The following PCSK5 variants were observed in gnomAD, a reference collection of about 807,000 sequenced individuals.
The protein encoded by PCSK5 is prohormone convertase 5.
A neutral mutation model predicts 233.2 loss-of-function variants in PCSK5; 129 were observed. The ratio of observed to expected loss-of-function variants is 0.55; its 90% CI spans 0.48 to 0.64. The LOEUF (loss-of-function observed/expected upper bound fraction) is 0.64. PCSK5 is among the 30% of genes least tolerant of loss of function. The pLI is 0.00. For synonymous variants in PCSK5, 825 were observed against 879.2 expected (o/e 0.94, Z 1.09); for missense variants, 2,076 against 2,430.1 (o/e 0.85, Z 3.06).
intron 24 of PCSK5, among the ~76,000 whole-genome samples, chr9:76,291,994 C>T (rs1828291826): frequency 6.6e-6 from 1 of 152,140 alleles, no homozygotes; most frequent in South Asian, 2.1e-4. Context: ...CCTATTCCTC[C>T]TTGAAAGTCA....
At chr9:75,913,779 G>A (rs1288080274) in intron 1 of PCSK5, among the ~76,000 whole-genome samples, 2 of 152,070 alleles carry the variant, frequency 1.3e-5, no homozygotes, top group African/African-American at 2.4e-5. Flanking sequence ...ACTGAAATAA[G>A]TTACAGATTT....
At chr9:75,999,625 G>C (rs1238911058) in intron 3 of PCSK5, among the ~76,000 whole-genome samples, 1 of 152,212 alleles carries the variant, frequency 6.6e-6, no homozygotes, top group Non-Finnish European at 1.5e-5. Context: ...GCGGTTTTCC[G>C]CCCTGGGTGG....
rs777863519 is a variant in PCSK5 at position 76,175,276 on chromosome 9, C to CGAATA, written c.1900+151_1900+152insAGAAT. 332 of 545,342 alleles carry CGAATA rather than the reference C, an allele frequency of 6.1e-4. 4 individuals carry two copies. The East Asian group carries it at 8.1e-3, about 13-fold the overall frequency. The allele number at this position is 545,342 out of a possible 1,614,324, so 33.8% of individuals were successfully genotyped here. ...GGAATGGAATGGAATGGAATGGAATCGAATCGAATCGAATCGAATAGAATA... is the reference window on the plus strand; with the variant it reads ...GGAATGGAATGGAATGGAATGGAATCGAATAGAATCGAATCGAATCGAATAGAATA... On this transcript the variant is annotated intron_variant, in intron 14 of 37. Transcript: ENST00000674117.
chr9:76,323,834 G>A (rs1829281654), intron 32 of PCSK5, among the ~76,000 whole-genome samples: 1 of 152,066 alleles, frequency 6.6e-6, no homozygotes, highest in Non-Finnish European at 1.5e-5. Flanking sequence ...CAGAGAGGAG[G>A]AGCCTTCAAA....
At chr9:76,310,052 C>T (rs923666499) in intron 29 of PCSK5, among the ~76,000 whole-genome samples, 1 of 151,678 alleles carries the variant, frequency 6.6e-6, no homozygotes, top group South Asian at 2.1e-4. Flanking sequence ...GTCTGAGTCC[C>T]ACCTGTCCAA....
chr9:76,068,784 T>A (rs905653080), intron 6 of PCSK5, among the ~76,000 whole-genome samples: 5 of 152,202 alleles, frequency 3.3e-5, no homozygotes, highest in African/African-American at 1.2e-4. Context: ...CTATGGATCC[T>A]CATGATTTTA....
intron 3 of PCSK5, among the ~76,000 whole-genome samples, chr9:76,008,082 T>TA (rs1431403966): frequency 6.6e-6 from 1 of 152,022 alleles, no homozygotes; most frequent in African/African-American, 2.4e-5. Context: ...CTTATTTCCC[T>TA]ACTGAGGAGG....
At chr9:76,094,400 G>T (rs948664396) in intron 7 of PCSK5, among the ~76,000 whole-genome samples, 3 of 152,148 alleles carry the variant, frequency 2.0e-5, no homozygotes, top group Non-Finnish European at 4.4e-5. Context: ...GAAAATGATG[G>T]ATTTGGCCTC....
chr9:76,059,043 A>G (rs1024842993), intron 5 of PCSK5, among the ~76,000 whole-genome samples: 9 of 152,228 alleles, frequency 5.9e-5, no homozygotes, highest in African/African-American at 2.2e-4. Context: ...TGAATAATGC[A>G]GTGAATATTA....
chr9:76,291,353 G>T (rs11144820), intron 24 of PCSK5, among the ~76,000 whole-genome samples: 1 of 152,172 alleles, frequency 6.6e-6, no homozygotes, highest in Non-Finnish European at 1.5e-5. Context: ...TTAATTAAAG[G>T]TGACATAAAA....
At chr9:76,221,560 A>G (rs942332436) in intron 20 of PCSK5, among the ~76,000 whole-genome samples, 17 of 152,222 alleles carry the variant, frequency 1.1e-4, no homozygotes, top group African/African-American at 4.1e-4. Flanking sequence ...CACTTGTAAT[A>G]CAGTAGGCAT....
intron 28 of PCSK5, 28 bp downstream of exon 28, chr9:76,302,245 C>G: frequency 9.3e-7 from 1 of 1,080,992 alleles, no homozygotes; most frequent in Admixed American, 2.4e-5. Context: ...AGGCAACAAT[C>G]ACAGCAGCAG....
At chr9:76,330,475 G>A (rs369782997) in intron 33 of PCSK5, among the ~76,000 whole-genome samples, 5 of 152,180 alleles carry the variant, frequency 3.3e-5, no homozygotes, top group East Asian at 3.9e-4. Context: ...TAGGCTGGGC[G>A]CAGTGGCTCA....
At chr9:75,953,078 T>C (rs929940403) in intron 2 of PCSK5, among the ~76,000 whole-genome samples, 5 of 152,200 alleles carry the variant, frequency 3.3e-5, no homozygotes, top group Middle Eastern at 3.2e-3. Flanking sequence ...ATTTTGACTT[T>C]GGGAACCTGA....
rs1331848633 is a variant in PCSK5, at chr9:76,332,528, G to T, written c.4666G>T (p.Gly1556Trp). 2.5e-6 allele frequency: 4 copies of T among 1,612,776 alleles called. No homozygotes were observed. Among genetic ancestry groups the T allele is most frequent in the Non-Finnish European group, 3.4e-6 (4 of 1,179,814 alleles). Reference sequence around the variant, plus strand: ...CCACAGCTCTTGCAGGACATGTGAAGGGAGACACAGCAGGCAGTGCCACTC... The same window carrying T: ...CCACAGCTCTTGCAGGACATGTGAATGGAGACACAGCAGGCAGTGCCACTC... ...HCHSSCRTCE[G>W]RHSRQCHSCR... The change falls in exon 34 of 38, where the codon GGG (glycine) becomes TGG (tryptophan). Residue 1556 changes from glycine to tryptophan, a missense_variant. Physicochemically the swap from Gly to Trp is radical, Grantham distance 184. Around this residue, in one of 6 missense-constraint regions of PCSK5, gnomAD observed 1,510 missense variants for 1,538.1 expected, o/e 0.98. Coordinates refer to ENST00000674117, the MANE Select transcript of PCSK5 (RefSeq NM_001372043.1).
chr9:76,023,064 C>A lies in PCSK5; in HGVS notation c.412-674C>A, dbSNP rs77260748. Among the ~76,000 whole-genome samples the A allele has an allele frequency of 9.8e-3, 1,486 of 152,258 alleles. 31 individuals are homozygous for A. The highest frequency in any genetic ancestry group is 0.058 in the South Asian group (278 of 4,824). On this transcript the variant is annotated intron_variant, in intron 3 of 37. Transcript: ENST00000674117. ...GCGCGTGGTTGAGAAATTATAAAGT[C>A]TATGTTCTTCAGTGACATGGTTTGG...
At chr9:76,198,121 G>A (rs1390387198) in intron 20 of PCSK5, among the ~76,000 whole-genome samples, 1 of 152,160 alleles carries the variant, frequency 6.6e-6, no homozygotes, top group East Asian at 1.9e-4. Flanking sequence ...AATGTGACCT[G>A]GGATGGCCAG....
intron 31 of PCSK5, 124 bp from the exon 32 acceptor site, chr9:76,322,928 A>G: frequency 1.6e-6 from 1 of 631,124 alleles, no homozygotes. Flanking sequence ...CAGGGTGGGT[A>G]AAGGGCAAGC....
chr9:76,334,068 A>G (rs1829610662), intron 34 of PCSK5, among the ~76,000 whole-genome samples: 1 of 152,178 alleles, frequency 6.6e-6, no homozygotes, highest in South Asian at 2.1e-4. Flanking sequence ...AGCAAGTCAC[A>G]TCTTATGTGG....
Sources: gnomAD v4.1 joint callset for allele counts (sites outside exome capture counted in the v4.1 genomes callset) on GRCh38, gnomAD v4.1.1 for gene constraint, gnomAD v4.1.1 regional missense constraint, MANE v1.5 for transcripts, NCBI Gene and HGNC (gene_info 2026-07-23, HGNC 2026-07-21) for gene names.